Variants in DNAH7 observed in about 807,000 individuals in gnomAD.
DNAH7 encodes the protein dynein axonemal heavy chain 7, also known as axonemal beta dynein heavy chain 7.
In DNAH7, 397 loss-of-function variants were observed where a neutral mutation model predicts 444.6. The ratio of observed to expected loss-of-function variants is 0.89; its 90% confidence interval spans 0.82 to 0.97. The LOEUF (loss-of-function observed/expected upper bound fraction) is 0.97. DNAH7 is among the 50% of genes least tolerant of loss of function. The probability of loss-of-function intolerance (pLI) is 0.00; values close to 1 mark genes in which losing one functional copy is unlikely to be tolerated. For synonymous variants in DNAH7, 1,636 were observed against 1,624.4 expected, an observed-to-expected ratio of 1.01 and a Z score of -0.17; for missense variants, 4,902 against 4,800.8, an observed-to-expected ratio of 1.02 and a Z score of -0.62.
intron 5 of DNAH7, among the ~76,000 whole-genome samples, chr2:196,046,969 T>C (rs1697168807): frequency 6.6e-6 from 1 of 152,198 alleles, no homozygotes; most frequent in Non-Finnish European, 1.5e-5. Context: ...CACACACTGC[T>C]GACCATTTCA....
chr2:196,065,787 A>T (rs1212398962), intron 1 of DNAH7, among the ~76,000 whole-genome samples: 1 of 152,222 alleles, frequency 6.6e-6, no homozygotes, highest in Admixed American at 6.5e-5. Flanking sequence ...CATCAGGCCT[A>T]GCCATGGTAA....
chr2:195,772,647 G>A (rs1694893039), intron 60 of DNAH7, among the ~76,000 whole-genome samples: 2 of 152,158 alleles, frequency 1.3e-5, no homozygotes, highest in East Asian at 3.9e-4. Flanking sequence ...AGGAAACTGT[G>A]TTTAGTCTTC....
intron 60 of DNAH7, among the ~76,000 whole-genome samples, chr2:195,774,836 A>G (rs1453963897): frequency 6.6e-6 from 1 of 152,230 alleles, no homozygotes; most frequent in African/African-American, 2.4e-5. Context: ...AGATGCCACA[A>G]AAAGATCAGT....
At position 195,961,240 on chromosome 2, in the gene DNAH7, G is replaced by A. The variant is rs1290764470; in HGVS notation, c.2206-295C>T. 7.2e-5 allele frequency among the ~76,000 whole-genome samples: 11 copies of A among 151,936 alleles called. No individual in the cohort carries two copies. The East Asian group carries it at 2.1e-3, about 29-fold the overall frequency. ...CATTACCTCACACACTGATTTTTTT[G>A]TAATAAGAACACTACACAACCTACT... is the stretch of plus-strand genomic sequence containing the variant. On this transcript the variant is annotated intron_variant, in intron 17 of 64. Coordinates refer to ENST00000312428, the MANE Select transcript of DNAH7 (RefSeq NM_018897.3).
intron 59 of DNAH7, among the ~76,000 whole-genome samples, chr2:195,776,547 G>T (rs1382625203): frequency 6.6e-6 from 1 of 151,946 alleles, no homozygotes; most frequent in Admixed American, 6.6e-5. Context: ...GGGAATCCTG[G>T]TAACTTCATT....
chr2:195,754,284 T>C, intron 63 of DNAH7, 53 bp downstream of exon 63: 13 of 1,512,990 alleles, frequency 8.6e-6, no homozygotes, highest in Non-Finnish European at 1.2e-5. Context: ...TAGAATGTCA[T>C]GTTTTTGTTC....
chr2:195,761,508 T>A lies in DNAH7; in HGVS notation c.11434-5223A>T, dbSNP rs1694351501. Among the ~76,000 whole-genome samples the A allele has an allele frequency of 2.6e-5, 4 of 152,084 alleles. No homozygotes were observed. The South Asian group carries it at 8.3e-4, about 32-fold the overall frequency. On this transcript the variant is annotated intron_variant, in intron 61 of 64. Coordinates refer to ENST00000312428, the MANE Select transcript of DNAH7 (RefSeq NM_018897.3). ...GAAGGTTATAGAACACCAAGCAGAT[T>A]TAAGCCAAAAAAGACTCAAGGCATT... is the stretch of plus-strand genomic sequence containing the variant.
chr2:195,976,786 A>AGAGAGAGAGAGAGAGAGG (rs1243336641), intron 15 of DNAH7, among the ~76,000 whole-genome samples: 4 of 147,522 alleles, frequency 2.7e-5, no homozygotes, highest in South Asian at 4.2e-4. Context: ...AGAGAGAGAG[A>AGAGAGAGAGAGAGAGAGG]GACTCTCTAA....
Position 195,873,714 on chromosome 2 carries a change from A to G in DNAH7, c.6287-20T>C. The G allele has an allele frequency of 1.3e-6, 2 of 1,501,368 alleles. No individual in the cohort carries two copies. The highest frequency in any genetic ancestry group is 1.4e-5 in the South Asian group (1 of 72,796). 93.0% of individuals were successfully genotyped at this position (1,501,368 alleles called of 1,614,324 possible). On this transcript the variant is annotated intron_variant, in intron 38 of 64. Coordinates refer to ENST00000312428, the MANE Select transcript of DNAH7 (RefSeq NM_018897.3). ...CACCACCTAAATATTAAAAAGTATA[A>G]CTCTTAATAATGTTACTAGTATATA...
intron 50 of DNAH7, among the ~76,000 whole-genome samples, 173 bp from the exon 51 acceptor site, chr2:195,817,136 C>A (rs1034116398): frequency 6.6e-6 from 1 of 152,072 alleles, no homozygotes; most frequent in African/African-American, 2.4e-5. Flanking sequence ...TAAAATGTCA[C>A]AAAGATGGGC....
intron 5 of DNAH7, among the ~76,000 whole-genome samples, chr2:196,040,378 A>G (rs1696663386): frequency 6.6e-6 from 1 of 152,294 alleles, no homozygotes; most frequent in Admixed American, 6.5e-5. Context: ...ACCACAATCC[A>G]CAATCAAGGG....
chr2:196,014,354 A>G (rs994147761), intron 9 of DNAH7, among the ~76,000 whole-genome samples: 4 of 152,200 alleles, frequency 2.6e-5, no homozygotes, highest in African/African-American at 7.2e-5. Flanking sequence ...AATCACCAAA[A>G]TAACTTCTTG....
Position 195,754,381 on chromosome 2 carries a change from T to G in DNAH7, c.11720A>C (p.Tyr3907Ser). ...GTATTCTTTGTCTTCCATCACTTCA[T>G]AGTCAAACCCAAGAAGATCAATAGG... is the stretch of plus-strand genomic sequence containing the variant. ...TIPIDLLGFD[Y>S]EVMEDKEYKH... The change falls in exon 63 of 65, where the codon TAT becomes TCT. Residue 3907 changes from tyrosine to serine, a missense_variant. Tyr to Ser is a moderately radical substitution (Grantham distance 144, BLOSUM62 -2). Transcript: ENST00000312428. 5 of 1,614,010 alleles carry G rather than the reference T, an allele frequency of 3.1e-6. No homozygotes were observed. Among genetic ancestry groups the G allele is most frequent in the Non-Finnish European group, 3.4e-6 (4 of 1,179,962 alleles).
At chr2:195,738,690 CTCA>C (rs550970343) in intron 64 of DNAH7, among the ~76,000 whole-genome samples, 112 of 152,190 alleles carry the variant, frequency 7.4e-4, no homozygotes, top group African/African-American at 2.3e-3. Context: ...GTTATTAGAC[CTCA>C]TCAATCTTAA....
Position 195,922,167 on chromosome 2 carries a change from C to A in DNAH7, c.3856G>T (p.Ala1286Ser). The A allele has an allele frequency of 6.2e-7, 1 of 1,612,484 alleles. No individual in the cohort carries two copies. Among genetic ancestry groups the A allele is most frequent in the Non-Finnish European group, 8.5e-7 (1 of 1,178,676 alleles). Residue 1286 changes from alanine to serine, a missense_variant, in exon 24 of 65, where the codon GCT becomes TCT. By Grantham distance (99) the Ala-to-Ser change is moderately conservative. Coordinates refer to ENST00000312428, the MANE Select transcript of DNAH7 (RefSeq NM_018897.3). Reference protein sequence around the residue: ...ENHLETKMINAGLRYGYEYLG... With the variant: ...ENHLETKMINSGLRYGYEYLG... ...TATTCATATCCATATCGCAAACCAG[C>A]ATTGATCATTTTTGTTTCTAAATGA...
At position 195,824,276 on chromosome 2, in the gene DNAH7, A is replaced by G; in HGVS notation, c.9270T>C (p.Tyr3090=). ...TGGCCTTTACTGATGTTTCAGGAAG[A>G]TAATGAGGATTTCTTAACTTGGTAG... is the stretch of plus-strand genomic sequence containing the variant. ...YITTKLRNPH[Y]LPETSVKVTL... The change falls in exon 49 of 65, where the codon TAT becomes TAC. Residue 3090 remains tyrosine (Y), a synonymous_variant. Coordinates refer to ENST00000312428, the MANE Select transcript of DNAH7 (RefSeq NM_018897.3). 6.2e-7 allele frequency: 1 copy of G among 1,613,078 alleles called. No individual in the cohort carries two copies. The highest frequency in any genetic ancestry group is 8.5e-7 in the Non-Finnish European group (1 of 1,179,550).
rs142076514 is a variant in DNAH7 at position 195,817,103 on chromosome 2, C to T, written c.9426-140G>A. The T allele has an allele frequency of 2.1e-5, 13 of 625,708 alleles. 1 individual carries two copies. Among genetic ancestry groups the T allele is most frequent in the Middle Eastern group, 4.4e-4 (1 of 2,282 alleles). The allele number at this position is 625,708 out of a possible 1,614,324, so 38.8% of individuals were successfully genotyped here. Reference sequence around the variant, plus strand: ...TGACAAATATCTGTAATGGTGATGCCTTATAATTAATTTCTTATCTCGTAA... The same window carrying T: ...TGACAAATATCTGTAATGGTGATGCTTTATAATTAATTTCTTATCTCGTAA... On this transcript the variant is annotated intron_variant, in intron 50 of 64. Transcript: ENST00000312428.
intron 40 of DNAH7, among the ~76,000 whole-genome samples, chr2:195,865,502 A>C (rs1484623027): frequency 6.6e-6 from 1 of 152,214 alleles, no homozygotes; most frequent in Non-Finnish European, 1.5e-5. Context: ...CTAGAACAGG[A>C]AATGTCTTGG....
intron 46 of DNAH7, among the ~76,000 whole-genome samples, chr2:195,851,932 C>T (rs1699392037): frequency 6.6e-6 from 1 of 151,990 alleles, no homozygotes; most frequent in South Asian, 2.1e-4. Flanking sequence ...ACAGAAGCAC[C>T]CACTAGGTGA....
Sources: gnomAD v4.1 joint callset for allele counts (sites outside exome capture counted in the v4.1 genomes callset) on GRCh38, gnomAD v4.1.1 for gene constraint, MANE v1.5 for transcripts, NCBI Gene and HGNC (gene_info 2026-07-23, HGNC 2026-07-21) for gene names.